MMP26: variants seen among roughly 807,000 people sequenced by gnomAD.
MMP26 encodes the protein matrix metalloproteinase-26.
A neutral mutation model predicts 31.0 loss-of-function variants in MMP26; 33 were observed. The ratio of observed to expected loss-of-function variants is 1.06; its 90% CI spans 0.81 to 1.42. MMP26 has a LOEUF of 1.42. Among genes scored for constraint, MMP26 ranks in the 40% most tolerant of loss-of-function variants. The pLI, the probability that MMP26 is intolerant of heterozygous loss-of-function variation, is 0.00. For missense variants in MMP26, 347 were observed against 316.1 expected (o/e 1.10, Z -0.74); for synonymous variants, 122 against 114.9 (o/e 1.06, Z -0.40).
At chr11:4,884,711 C>G (rs1462681188) in intron 2 of MMP26, among the ~76,000 whole-genome samples, 1 of 152,084 alleles carries the variant, frequency 6.6e-6, no homozygotes, top group Non-Finnish European at 1.5e-5. Context: ...CTTGGCAGAT[C>G]TACAATCCTC....
intron 1 of MMP26, chr11:4,711,051 A>C (rs1039233207): frequency 3.3e-5 from 5 of 152,476 alleles, no homozygotes; most frequent in African/African-American, 1.2e-4. Context: ...TTTGTATTTT[A>C]ATAGTAGAAG....
intron 2 of MMP26, among the ~76,000 whole-genome samples, chr11:4,924,698 A>G (rs1851244155): frequency 1.3e-5 from 2 of 152,220 alleles, no homozygotes; most frequent in African/African-American, 4.8e-5. Flanking sequence ...CAGTTAAGCC[A>G]GGACTGGATC....
chr11:4,749,796 C>T (rs1564900634), intron 1 of MMP26, among the ~76,000 whole-genome samples: 1 of 152,100 alleles, frequency 6.6e-6, no homozygotes, highest in Admixed American at 6.6e-5. Context: ...GGAATAAAGA[C>T]TCAAATGTAA....
chr11:4,785,963 C>T (rs765144606), intron 2 of MMP26, among the ~76,000 whole-genome samples: 1 of 152,194 alleles, frequency 6.6e-6, no homozygotes, highest in Non-Finnish European at 1.5e-5. Flanking sequence ...ACTCAGATGA[C>T]AATCTGTTGC....
chr11:4,725,309 G>A (rs1564895353), intron 1 of MMP26, among the ~76,000 whole-genome samples: 1 of 152,176 alleles, frequency 6.6e-6, no homozygotes, highest in Non-Finnish European at 1.5e-5. Flanking sequence ...AGTGAAATTT[G>A]AGACTGTTTT....
chr11:4,721,179 G>A (rs1848006511), intron 1 of MMP26, among the ~76,000 whole-genome samples: 1 of 152,160 alleles, frequency 6.6e-6, no homozygotes, highest in African/African-American at 2.4e-5. Context: ...AGCTGAGAAA[G>A]CCAATAGCCA....
intron 2 of MMP26, among the ~76,000 whole-genome samples, chr11:4,853,623 A>G (rs1850005409): frequency 6.6e-6 from 1 of 152,196 alleles, no homozygotes; most frequent in South Asian, 2.1e-4. Flanking sequence ...AAACAGACCT[A>G]TAACAAATAA....
intron 2 of MMP26, among the ~76,000 whole-genome samples, chr11:4,779,066 A>C (rs1038792998): frequency 6.6e-6 from 1 of 151,670 alleles, no homozygotes; most frequent in Non-Finnish European, 1.5e-5. Context: ...TTTAAGTTTT[A>C]TTTTCTTTTC....
At chr11:4,894,634 A>G (rs17336720) in intron 2 of MMP26, among the ~76,000 whole-genome samples, 6,495 of 152,174 alleles carry the variant, frequency 0.043, 198 homozygotes, top group Non-Finnish European at 0.067. Context: ...GTCCATAATG[A>G]TTGTAGTAGC....
At chr11:4,898,778 TTTAAA>T (rs1850750463) in intron 2 of MMP26, among the ~76,000 whole-genome samples, 2 of 151,952 alleles carry the variant, frequency 1.3e-5, no homozygotes, top group Non-Finnish European at 2.9e-5. Flanking sequence ...GGATCTACTC[TTTAAA>T]TTAGAGTTTA....
intron 2 of MMP26, among the ~76,000 whole-genome samples, chr11:4,982,841 C>T (rs1246717521): frequency 6.6e-6 from 1 of 152,192 alleles, no homozygotes; most frequent in East Asian, 1.9e-4. Flanking sequence ...ACCTGAGGTT[C>T]TAGGCTTTTT....
intron 2 of MMP26, chr11:4,946,874 G>A (rs750709958): frequency 3.1e-6 from 5 of 1,605,790 alleles, no homozygotes; most frequent in Non-Finnish European, 4.3e-6. Flanking sequence ...AGATGATAAA[G>A]ACAAACCCAA....
At chr11:4,782,663 T>C (rs1459247049) in intron 2 of MMP26, among the ~76,000 whole-genome samples, 4 of 152,170 alleles carry the variant, frequency 2.6e-5, no homozygotes, top group Admixed American at 2.6e-4. Context: ...CTCCAGGGCA[T>C]GTCAGAGACC....
chr11:4,787,852 T>G (rs535405878), intron 2 of MMP26: 4 of 152,246 alleles, frequency 2.6e-5, no homozygotes, highest in Non-Finnish European at 5.9e-5. Context: ...GTTCTGCATT[T>G]GTCTCCTTTA....
intron 2 of MMP26, among the ~76,000 whole-genome samples, chr11:4,899,196 T>G (rs1452762490): frequency 6.6e-6 from 1 of 152,176 alleles, no homozygotes; most frequent in East Asian, 1.9e-4. Flanking sequence ...GCTGATGTCT[T>G]AGTTCCGAAG....
At chr11:4,960,474 A>C (rs945902632) in intron 2 of MMP26, among the ~76,000 whole-genome samples, 1 of 146,430 alleles carries the variant, frequency 6.8e-6, no homozygotes, top group Non-Finnish European at 1.5e-5. Flanking sequence ...AGCCTCTGTA[A>C]CATCATTCCC....
At chr11:4,820,897 GT>G (rs34584982) in intron 2 of MMP26, among the ~76,000 whole-genome samples, 15,898 of 152,024 alleles carry the variant, frequency 0.1, 1,022 homozygotes, top group Middle Eastern at 0.17. Context: ...TTCTTAGGGT[GT>G]TTTTTTGGGC....
chr11:4,844,837 A>G lies in MMP26; in HGVS notation c.-145+77496A>G, dbSNP rs559767624. On this transcript the variant is annotated intron_variant, in intron 2 of 7. Coordinates refer to ENST00000380390, the MANE Select transcript of MMP26 (RefSeq NM_021801.5). ...AAAAACTGAAAGCCTTTACTCTAAG[A>G]TCTAAAACACTAGAAGGATGTTCAC... Among the ~76,000 whole-genome samples the G allele has an allele frequency of 2.0e-5, 3 of 152,290 alleles. No homozygotes were observed. In the South Asian group the frequency reaches 6.2e-4, roughly 32 times the overall value.
intron 2 of MMP26, among the ~76,000 whole-genome samples, chr11:4,836,058 T>C (rs939840563): frequency 1.9e-4 from 29 of 152,102 alleles, no homozygotes; most frequent in African/African-American, 6.8e-4. Flanking sequence ...GAAACACTTA[T>C]ACACTCTTGC....
Sources: allele counts gnomAD v4.1 joint callset (sites outside exome capture counted in the v4.1 genomes callset), GRCh38; gene constraint gnomAD v4.1.1; transcripts MANE v1.5; gene names NCBI Gene and HGNC (gene_info 2026-07-23, HGNC 2026-07-21).